EFHD1: variants seen among roughly 807,000 people sequenced by gnomAD.
The protein encoded by EFHD1 is EF-hand domain-containing protein D1.
EFHD1 carries 10 observed loss-of-function variants against 17.2 expected under a neutral mutation model. That is an observed-to-expected ratio of 0.58 (90% CI 0.36 to 0.99). The LOEUF is 0.99. Ranked by LOEUF, EFHD1 falls within the 50% of genes least tolerant of loss-of-function variation. EFHD1 has a pLI of 0.01. For missense variants in EFHD1, 310 were observed against 327.5 expected, an observed-to-expected ratio of 0.95 and a Z score of 0.41; for synonymous variants, 153 against 142.0, an observed-to-expected ratio of 1.08 and a Z score of -0.55.
intron 1 of EFHD1, among the ~76,000 whole-genome samples, chr2:232,639,168 C>G (rs1344178851): frequency 1.3e-5 from 2 of 152,118 alleles, no homozygotes; most frequent in Non-Finnish European, 2.9e-5. Flanking sequence ...GATGTCTCCT[C>G]CACCATCCTT....
intron 1 of EFHD1, among the ~76,000 whole-genome samples, chr2:232,625,766 C>A (rs369541983): frequency 6.6e-6 from 1 of 152,034 alleles, no homozygotes; most frequent in Non-Finnish European, 1.5e-5. Flanking sequence ...ACCCATGATG[C>A]GAAAGGAATG....
intron 1 of EFHD1, among the ~76,000 whole-genome samples, chr2:232,642,151 G>A (rs903529411): frequency 6.6e-6 from 1 of 152,072 alleles, no homozygotes; most frequent in Non-Finnish European, 1.5e-5. Flanking sequence ...TTGGGAGGCC[G>A]AGGTGGGTGG....
At chr2:232,676,103 A>G (rs150137586) in intron 3 of EFHD1, among the ~76,000 whole-genome samples, 4,940 of 152,018 alleles carry the variant, frequency 0.032, 182 homozygotes, top group East Asian at 0.21. Flanking sequence ...TTGAACCCAG[A>G]GGCAGAGGTT....
intron 2 of EFHD1, 111 bp from the exon 3 acceptor site, chr2:232,672,198 A>G (rs1695083497): frequency 1.4e-6 from 2 of 1,469,562 alleles, no homozygotes; most frequent in Admixed American, 1.7e-5. Flanking sequence ...ACATGCATAC[A>G]TAAACATCTT....
At chr2:232,648,520 G>A (rs943055541) in intron 1 of EFHD1, among the ~76,000 whole-genome samples, 1 of 152,116 alleles carries the variant, frequency 6.6e-6, no homozygotes, top group African/African-American at 2.4e-5. Context: ...TGTAGGGAGA[G>A]GGACTACAGT....
chr2:232,636,636 C>T (rs1464461873), intron 1 of EFHD1, among the ~76,000 whole-genome samples: 1 of 151,988 alleles, frequency 6.6e-6, no homozygotes, highest in Non-Finnish European at 1.5e-5. Flanking sequence ...CCAGCCTGAT[C>T]AACGTGGTGA....
chr2:232,679,629 G>T (rs531387341), intron 3 of EFHD1, among the ~76,000 whole-genome samples: 5 of 151,102 alleles, frequency 3.3e-5, no homozygotes, highest in South Asian at 2.1e-4. Flanking sequence ...TAGGAGGATC[G>T]CTTGAGCTCG....
intron 1 of EFHD1, among the ~76,000 whole-genome samples, chr2:232,645,988 A>T (rs554868588): frequency 2.7e-4 from 41 of 152,164 alleles, no homozygotes; most frequent in Non-Finnish European, 5.4e-4. Flanking sequence ...ATAGCCAGGC[A>T]GGGCCTTGGC....
chr2:232,672,796 T>G (rs954580029), intron 3 of EFHD1, among the ~76,000 whole-genome samples: 4 of 152,144 alleles, frequency 2.6e-5, no homozygotes, highest in African/African-American at 9.7e-5. Context: ...GGGACTCTTG[T>G]GGAGTTTTGT....
At chr2:232,638,193 T>TGG in intron 1 of EFHD1, 1 of 369,648 alleles carries the variant, frequency 2.7e-6, no homozygotes, top group Non-Finnish European at 5.5e-6. Flanking sequence ...GCAGTCAAGG[T>TGG]TAGACAGGAA....
At chr2:232,619,586 G>C (rs78303320) in intron 1 of EFHD1, among the ~76,000 whole-genome samples, 1 of 152,028 alleles carries the variant, frequency 6.6e-6, no homozygotes. Context: ...CTGGAATTAC[G>C]GGTGTGAGCC....
rs1486557017 is a variant in EFHD1, at chr2:232,606,624, A to AC, written c.14+451_14+452insC. On this transcript the variant is annotated intron_variant, in intron 1 of 3. Coordinates refer to the EFHD1 transcript ENST00000409613. ...GGGGTGCGACCGGGCGCGGTGGCTC[A>AC]GCCTGTAATCCCAGCACTTTGGGAG... 4 of 194,312 alleles carry AC rather than the reference A, an allele frequency of 2.1e-5. No individual in the cohort carries two copies. The East Asian group carries it at 4.7e-4, about 23-fold the overall frequency. 12.0% of individuals were successfully genotyped at this position (194,312 alleles called of 1,614,324 possible).
At chr2:232,622,779 G>A (rs1021970179) in intron 1 of EFHD1, among the ~76,000 whole-genome samples, 1 of 152,128 alleles carries the variant, frequency 6.6e-6, no homozygotes, top group Non-Finnish European at 1.5e-5. Context: ...CCAGCTGCAC[G>A]TGGCTATCAG....
chr2:232,620,949 G>A (rs1178532601), intron 1 of EFHD1, among the ~76,000 whole-genome samples: 1 of 152,154 alleles, frequency 6.6e-6, no homozygotes, highest in African/African-American at 2.4e-5. Flanking sequence ...TTGGGACAGG[G>A]TGAGGGAGTG....
intron 2 of EFHD1, among the ~76,000 whole-genome samples, chr2:232,668,968 T>A (rs1273082211): frequency 1.3e-5 from 2 of 152,278 alleles, no homozygotes; most frequent in East Asian, 3.9e-4. Flanking sequence ...CCTGTCTGGG[T>A]CCCAGAGAGC....
At chr2:232,673,833 T>C (rs1271699455) in intron 3 of EFHD1, among the ~76,000 whole-genome samples, 4 of 152,106 alleles carry the variant, frequency 2.6e-5, no homozygotes, top group Non-Finnish European at 4.4e-5. Flanking sequence ...CCCAACTTTT[T>C]GTAAAGCAGT....
chr2:232,632,223 G>A (rs796128407), upstream of EFHD1, among the ~76,000 whole-genome samples: 7 of 152,282 alleles, frequency 4.6e-5, no homozygotes, highest in African/African-American at 1.7e-4. Context: ...TCTGTACCAA[G>A]TCAAGTTGTT....
At chr2:232,637,723 C>G (rs1694345491) in intron 1 of EFHD1, among the ~76,000 whole-genome samples, 2 of 152,134 alleles carry the variant, frequency 1.3e-5, no homozygotes, top group African/African-American at 4.8e-5. Flanking sequence ...CAGTATATAA[C>G]CTGATTAGAC....
chr2:232,662,160 G>A (rs73001714), intron 1 of EFHD1, among the ~76,000 whole-genome samples: 1,807 of 152,172 alleles, frequency 0.012, 23 homozygotes, highest in Non-Finnish European at 0.019. Context: ...GCTGGGGGCT[G>A]GGGGGCCAGT....
Sources: gnomAD v4.1 joint callset for allele counts (sites outside exome capture counted in the v4.1 genomes callset) on GRCh38, gnomAD v4.1.1 for gene constraint, MANE v1.5 for transcripts, NCBI Gene and HGNC (gene_info 2026-07-23, HGNC 2026-07-21) for gene names.